Variants in ZNF600 observed in about 807,000 individuals in gnomAD.
ZNF600 encodes the protein zinc finger protein KR-ZNF1.
Under a neutral mutation model 7.3 loss-of-function variants are expected in ZNF600, and 4 were observed. That is an observed-to-expected ratio of 0.55 (90% CI 0.27 to 1.25). The LOEUF is 1.25. Ranked by LOEUF, ZNF600 falls within the 50% of genes most tolerant of loss-of-function variation. ZNF600 has a pLI of 0.12. For missense variants in ZNF600, 911 were observed against 922.1 expected (o/e 0.99, Z 0.16); for synonymous variants, 290 against 308.9 (o/e 0.94, Z 0.64).
the ZNF600 span, chr19:52,810,122 G>A: frequency 8.2e-5 from 68 of 834,168 alleles, 1 homozygote; most frequent in South Asian, 6.7e-4. Flanking sequence ...GGGAGGAGCC[G>A]GGACTGGTCG....
chr19:52,800,013 T>G, the ZNF600 span: 7 of 1,614,048 alleles, frequency 4.3e-6, no homozygotes, highest in African/African-American at 9.3e-5. Flanking sequence ...CTTGCCACAC[T>G]CATTACACTT....
chr19:52,811,335 G>A, the ZNF600 span, among the ~76,000 whole-genome samples: 10 of 148,824 alleles, frequency 6.7e-5, no homozygotes, highest in East Asian at 3.9e-4. Flanking sequence ...AGTGAGGAGC[G>A]ACTCTGCCTG....
the ZNF600 span, among the ~76,000 whole-genome samples, chr19:52,813,520 G>C: frequency 7.9e-6 from 1 of 126,404 alleles, no homozygotes; most frequent in South Asian, 3.0e-4. Context: ...GGCTCTGGAA[G>C]GACACCAGAC....
At chr19:52,810,216 G>A in the ZNF600 span, 3 of 1,106,126 alleles carry the variant, frequency 2.7e-6, no homozygotes, top group East Asian at 2.3e-5. Context: ...GCTACAGAAC[G>A]ACGTAGAGAA....
At chr19:52,803,330 C>T in the ZNF600 span, among the ~76,000 whole-genome samples, 1 of 152,060 alleles carries the variant, frequency 6.6e-6, no homozygotes, top group Admixed American at 6.6e-5. Flanking sequence ...ATCCACACAT[C>T]TCAGCCTCCC....
At chr19:52,774,440 A>C in intron 3 of ZNF600, 135 bp downstream of exon 5, 5 of 919,656 alleles carry the variant, frequency 5.4e-6, no homozygotes, top group Non-Finnish European at 5.2e-6. Context: ...AAACAAAAAA[A>C]CAAAACAAAA....
chr19:52,824,596 C>G, the ZNF600 span, among the ~76,000 whole-genome samples: 10 of 152,016 alleles, frequency 6.6e-5, no homozygotes. Flanking sequence ...GATTGTGCCA[C>G]TGCACTCCAG....
the ZNF600 span, chr19:52,817,981 T>C: frequency 2.5e-6 from 4 of 1,610,908 alleles, no homozygotes; most frequent in Non-Finnish European, 3.4e-6. Context: ...TGCTTTCCTC[T>C]TCCTCTTCTG....
chr19:52,801,168 C>A, the ZNF600 span: 1 of 1,614,028 alleles, frequency 6.2e-7, no homozygotes, highest in Non-Finnish European at 8.5e-7. Flanking sequence ...AAGTGAGCTA[C>A]AATTAAAGGA....
chr19:52,789,897 C>T (rs1049150161), upstream of ZNF600, among the ~76,000 whole-genome samples: 7 of 151,744 alleles, frequency 4.6e-5, no homozygotes, highest in African/African-American at 1.7e-4. Context: ...AGGGGTGGGG[C>T]CGTTTTATAA....
At chr19:52,811,246 C>A in the ZNF600 span, among the ~76,000 whole-genome samples, 4 of 151,688 alleles carry the variant, frequency 2.6e-5, no homozygotes, top group African/African-American at 4.8e-5. Flanking sequence ...TCACTACAAC[C>A]TCCACCTCCC....
At chr19:52,793,435 A>G in the ZNF600 span, among the ~76,000 whole-genome samples, 1 of 152,204 alleles carries the variant, frequency 6.6e-6, no homozygotes, top group Non-Finnish European at 1.5e-5. Context: ...AGAGAGTCCC[A>G]GGCAGAGGGA....
At chr19:52,812,036 G>T in the ZNF600 span, among the ~76,000 whole-genome samples, 2 of 50,810 alleles carry the variant, frequency 3.9e-5, no homozygotes, top group East Asian at 3.4e-4. Context: ...CCCCCCGCCC[G>T]GCCAGCCGCC....
intron 3 of ZNF600, among the ~76,000 whole-genome samples, 169 bp downstream of exon 5, chr19:52,774,406 G>A (rs2147522452): frequency 6.8e-6 from 1 of 147,986 alleles, no homozygotes; most frequent in Middle Eastern, 3.5e-3. Context: ...TCCAGCCTGG[G>A]TAACAAGAGC....
intron 3 of ZNF600, among the ~76,000 whole-genome samples, chr19:52,768,102 G>A (rs1283773158): frequency 6.6e-6 from 1 of 151,182 alleles, no homozygotes; most frequent in Admixed American, 6.6e-5. Context: ...CATCAATGAA[G>A]AGAAAAATAT....
At chr19:52,811,232 C>T in the ZNF600 span, among the ~76,000 whole-genome samples, 2 of 151,440 alleles carry the variant, frequency 1.3e-5, no homozygotes, top group African/African-American at 2.4e-5. Flanking sequence ...GGCGTGATCT[C>T]GGCTCACTAC....
the ZNF600 span, chr19:52,809,806 C>G: frequency 2.2e-6 from 1 of 455,626 alleles, no homozygotes. Context: ...AAAAAGGAGC[C>G]CAGTCTGAGC....
At chr19:52,809,840 T>TGGC in the ZNF600 span, 4 of 421,968 alleles carry the variant, frequency 9.5e-6, no homozygotes, top group Admixed American at 4.5e-5. Flanking sequence ...GCGGCGGCGG[T>TGGC]GGCGGTGGTG....
chr19:52,785,257 T>C (rs79488146), intron 1 of ZNF600, among the ~76,000 whole-genome samples: 5 of 151,696 alleles, frequency 3.3e-5, no homozygotes, highest in Non-Finnish European at 5.9e-5. Flanking sequence ...TTTTTTTTTT[T>C]CCTTTTTGAG....
Sources: allele counts gnomAD v4.1 joint callset (sites outside exome capture counted in the v4.1 genomes callset), GRCh38; gene constraint gnomAD v4.1.1; transcripts MANE v1.5; gene names NCBI Gene and HGNC (gene_info 2026-07-23, HGNC 2026-07-21).